RBFOX1: variants seen among roughly 807,000 people sequenced by gnomAD.
RBFOX1 encodes the protein RNA binding protein fox-1 homolog 1.
Under a neutral mutation model 57.7 loss-of-function variants are expected in RBFOX1, and 8 were observed. The ratio of observed to expected loss-of-function variants is 0.14; its 90% CI spans 0.08 to 0.25. The LOEUF is 0.25. RBFOX1 is among the 10% of genes least tolerant of loss of function. The pLI, the probability that RBFOX1 is intolerant of heterozygous loss-of-function variation, is 1.00. For missense variants in RBFOX1, 611 were observed against 548.5 expected, an observed-to-expected ratio of 1.11 and a Z score of -1.14; for synonymous variants, 326 against 222.4, an observed-to-expected ratio of 1.47 and a Z score of -4.15.
intron 3 of RBFOX1, among the ~76,000 whole-genome samples, chr16:5,673,899 C>T (rs2050089108): frequency 6.6e-6 from 1 of 152,234 alleles, no homozygotes; most frequent in Non-Finnish European, 1.5e-5. Context: ...CAGCTTTTCT[C>T]TTCTGCATCA....
At chr16:5,891,036 C>T (rs1487973648) in intron 4 of RBFOX1, among the ~76,000 whole-genome samples, 1 of 152,150 alleles carries the variant, frequency 6.6e-6, no homozygotes. Context: ...AAGATGCGTG[C>T]AAATCCCTTA....
intron 3 of RBFOX1, among the ~76,000 whole-genome samples, chr16:5,748,530 A>G (rs576056584): frequency 2.0e-5 from 3 of 152,260 alleles, no homozygotes; most frequent in African/African-American, 7.2e-5. Context: ...TAGGTCTCTA[A>G]GGACTTTCTT....
intron 4 of RBFOX1, among the ~76,000 whole-genome samples, chr16:7,323,361 C>T (rs1326068604): frequency 6.6e-6 from 1 of 152,158 alleles, no homozygotes; most frequent in Admixed American, 6.5e-5. Flanking sequence ...GAGTCGGAGG[C>T]TGCAGTGAGC....
rs528163138 is a variant in RBFOX1, at chr16:6,826,113, G to C, written c.-16+171463G>C. On this transcript the variant is annotated intron_variant, in intron 3 of 15. Transcript: ENST00000550418. ...TCCCGCTAGCTGTTTATTTCATCTT[G>C]GTCATGCCGTCTCACTTCTCCCTAC... 1.6e-4 allele frequency among the ~76,000 whole-genome samples: 25 copies of C among 152,168 alleles called. No homozygotes were observed. The South Asian group carries it at 2.7e-3, about 16-fold the overall frequency.
At chr16:6,764,569 G>T (rs903063567) in intron 3 of RBFOX1, among the ~76,000 whole-genome samples, 1 of 152,056 alleles carries the variant, frequency 6.6e-6, no homozygotes, top group Non-Finnish European at 1.5e-5. Context: ...TGTCCCCATG[G>T]GACTTACATT....
At chr16:6,009,448 G>A (rs919984045) in intron 4 of RBFOX1, among the ~76,000 whole-genome samples, 2 of 152,308 alleles carry the variant, frequency 1.3e-5, no homozygotes, top group South Asian at 4.1e-4. Context: ...TTACATCACT[G>A]TTTCTTAGTC....
chr16:5,257,627 C>A (rs1273640643), intron 1 of RBFOX1, among the ~76,000 whole-genome samples: 2 of 152,204 alleles, frequency 1.3e-5, no homozygotes, highest in African/African-American at 4.8e-5. Context: ...GGCGCATTTA[C>A]TAGTGAGGAA....
chr16:6,443,294 G>A (rs778708044), intron 2 of RBFOX1, among the ~76,000 whole-genome samples: 3 of 151,940 alleles, frequency 2.0e-5, no homozygotes, highest in Admixed American at 6.6e-5. Context: ...TATCTCTCAC[G>A]TTCATTCTCT....
intron 4 of RBFOX1, among the ~76,000 whole-genome samples, chr16:7,391,811 GAGAAATGAATGA>G (rs145967606): frequency 0.016 from 2,410 of 152,250 alleles, 73 homozygotes; most frequent in African/African-American, 0.055. Context: ...TGGATGGATG[GAGAAATGAATGA>G]ATGAATGAAT....
chr16:6,836,672 T>C (rs561608010), intron 3 of RBFOX1, among the ~76,000 whole-genome samples: 4 of 152,228 alleles, frequency 2.6e-5, no homozygotes, highest in East Asian at 1.9e-4. Context: ...TCCTTTCTTA[T>C]GCCCCTAATT....
chr16:7,447,177 A>G (rs920269498), intron 4 of RBFOX1, among the ~76,000 whole-genome samples: 3 of 151,882 alleles, frequency 2.0e-5, no homozygotes, highest in South Asian at 2.1e-4. Context: ...CGTAAGAAAA[A>G]CATTCACACT....
intron 13 of RBFOX1, among the ~76,000 whole-genome samples, chr16:7,676,547 T>C (rs2073331565): frequency 6.6e-6 from 1 of 152,202 alleles, no homozygotes. Context: ...GCTCTTCTTT[T>C]GGGATGTGCT....
intron 3 of RBFOX1, among the ~76,000 whole-genome samples, chr16:6,715,335 C>G (rs903470408): frequency 6.6e-6 from 1 of 151,898 alleles, no homozygotes; most frequent in Non-Finnish European, 1.5e-5. Flanking sequence ...ATTCTGGGAC[C>G]AGGGTGCGGA....
intron 2 of RBFOX1, among the ~76,000 whole-genome samples, chr16:6,472,766 G>A (rs562885653): frequency 5.3e-5 from 8 of 152,100 alleles, no homozygotes; most frequent in African/African-American, 1.7e-4. Flanking sequence ...GGGATTACAG[G>A]CGTGCGCCAC....
chr16:6,843,516 G>A (rs1214458214), intron 3 of RBFOX1, among the ~76,000 whole-genome samples: 1 of 151,832 alleles, frequency 6.6e-6, no homozygotes, highest in Non-Finnish European at 1.5e-5. Flanking sequence ...GTGAAACCCC[G>A]TCTGTACTAA....
intron 4 of RBFOX1, among the ~76,000 whole-genome samples, chr16:7,386,555 T>C (rs1046131290): frequency 6.6e-6 from 1 of 151,824 alleles, no homozygotes; most frequent in African/African-American, 2.4e-5. Context: ...GGACATGATC[T>C]CATGTTTTTT....
intron 1 of RBFOX1, among the ~76,000 whole-genome samples, chr16:5,409,606 GC>G (rs1182533957): frequency 6.6e-6 from 1 of 152,204 alleles, no homozygotes; most frequent in African/African-American, 2.4e-5. Context: ...TGTTCTAGGT[GC>G]TGGGAATATA....
chr16:5,683,801 A>G (rs1439711424), intron 3 of RBFOX1, among the ~76,000 whole-genome samples: 1 of 148,102 alleles, frequency 6.8e-6, no homozygotes, highest in East Asian at 1.9e-4. Flanking sequence ...TATGTTTTAT[A>G]TATTATATAC....
chr16:7,042,954 A>G (rs114039583), intron 3 of RBFOX1, among the ~76,000 whole-genome samples: 3,454 of 152,288 alleles, frequency 0.023, 133 homozygotes, highest in African/African-American at 0.078. Flanking sequence ...AAAGTGATTA[A>G]AACAATTACT....
Sources: gnomAD v4.1 joint callset for allele counts (sites outside exome capture counted in the v4.1 genomes callset) on GRCh38, gnomAD v4.1.1 for gene constraint, MANE v1.5 for transcripts, NCBI Gene and HGNC (gene_info 2026-07-23, HGNC 2026-07-21) for gene names.